The following KY variants were observed in gnomAD, a reference collection of about 807,000 sequenced individuals.
The protein encoded by KY is kyphoscoliosis peptidase.
Under a neutral mutation model 76.1 loss-of-function variants are expected in KY, and 43 were observed. The observed-to-expected ratio is 0.57, with a 90% CI of 0.44 to 0.73. The LOEUF (loss-of-function observed/expected upper bound fraction) is 0.73, where lower values mean the gene tolerates loss of function less well. KY is among the 30% of genes least tolerant of loss of function. The probability of loss-of-function intolerance (pLI) is 0.00; values close to 1 mark genes in which losing one functional copy is unlikely to be tolerated. For synonymous variants in KY, 277 were observed against 326.2 expected (o/e 0.85, Z 1.63); for missense variants, 722 against 828.9 (o/e 0.87, Z 1.58).
At chr3:134,633,366 C>T (rs913812862) in intron 3 of KY, among the ~76,000 whole-genome samples, 1 of 152,030 alleles carries the variant, frequency 6.6e-6, no homozygotes, top group African/African-American at 2.4e-5. Flanking sequence ...AATATTACAA[C>T]ATTAAATCCA....
chr3:134,606,581 G>A (rs376213819), intron 10 of KY, among the ~76,000 whole-genome samples: 3 of 152,166 alleles, frequency 2.0e-5, no homozygotes, highest in Admixed American at 6.5e-5. Context: ...TTCCACTGCT[G>A]TAATTCATCA....
chr3:134,644,189 C>G (rs986497043), intron 2 of KY, among the ~76,000 whole-genome samples: 2 of 152,122 alleles, frequency 1.3e-5, no homozygotes, highest in African/African-American at 2.4e-5. Context: ...GCCTAGGAGA[C>G]GGGATGATGT....
At position 134,607,427 on chromosome 3, in the gene KY, G is replaced by T. The variant is rs375427224; in HGVS notation, c.1090+1222C>A. On this transcript the variant is annotated intron_variant, in intron 10 of 10. Coordinates refer to ENST00000423778, the MANE Select transcript of KY (RefSeq NM_178554.6). ...CCAGGGGCTCTGGGCCCACCCACAG[G>T]CACCCTGTGCTAATAGTCAGTGTGA... 119 of 985,624 alleles carry T rather than the reference G, an allele frequency of 1.2e-4. 1 individual carries two copies. In the South Asian group the frequency reaches 4.5e-3, roughly 37 times the overall value. The allele number at this position is 985,624 out of a possible 1,614,324, so 61.1% of individuals were successfully genotyped here.
intron 8 of KY, among the ~76,000 whole-genome samples, chr3:134,617,441 G>T (rs982401906): frequency 5.3e-5 from 8 of 152,148 alleles, no homozygotes; most frequent in Non-Finnish European, 8.8e-5. Flanking sequence ...GGAGGTAGAA[G>T]GAGAGAGGAG....
intron 8 of KY, 57 bp downstream of exon 8, chr3:134,619,091 T>C (rs1962113591): frequency 2.1e-6 from 3 of 1,400,942 alleles, no homozygotes; most frequent in Non-Finnish European, 3.0e-6. Context: ...CATGGCACTG[T>C]GGAAGAGGGA....
rs1959056348 is a variant in KY at position 134,603,444 on chromosome 3, G to A, written c.*135C>T. On this transcript the variant is annotated 3_prime_UTR_variant, in exon 11 of 11. Transcript: ENST00000423778. ...AGATCACAGCTCCTGTGGCAGAGGT[G>A]GGACACTGAGGCAGAGGCCTAGAAG... 1.3e-6 allele frequency: 1 copy of A among 747,098 alleles called. No homozygotes were observed. Among genetic ancestry groups the A allele is most frequent in the Non-Finnish European group, 2.2e-6 (1 of 462,974 alleles). 46.3% of individuals were successfully genotyped at this position (747,098 alleles called of 1,614,324 possible). A position where few individuals can be genotyped will look rare whatever the true frequency, so the allele number is the denominator to read the frequency against.
chr3:134,604,017 G>A lies in KY; in HGVS notation c.1548C>T (p.His516=), dbSNP rs1213205890. The A allele has an allele frequency of 5.0e-6, 8 of 1,613,884 alleles. No individual in the cohort carries two copies. In the Admixed American group the frequency reaches 8.3e-5, roughly 17 times the overall value. The change falls in exon 11 of 11, where the codon CAC becomes CAT. Residue 516 remains histidine, a synonymous_variant. Coordinates refer to ENST00000423778, the MANE Select transcript of KY (RefSeq NM_178554.6). ...ETQRRYIFQL[H]REKQTELKVQ... ...CTTTCAGCTCGGTCTGCTTCTCCCG[G>A]TGCAGCTGGAAGATGTAGCGCCGCT... is the stretch of plus-strand genomic sequence containing the variant.
At chr3:134,642,509 TGTC>T (rs1378067215) in intron 3 of KY, among the ~76,000 whole-genome samples, 1 of 140,104 alleles carries the variant, frequency 7.1e-6, no homozygotes, top group Admixed American at 7.6e-5. Context: ...GTCTCTATCT[TGTC>T]GTGTGCTCAG....
intron 2 of KY, 72 bp from the exon 3 acceptor site, chr3:134,643,450 T>A (rs1966020330): frequency 7.3e-7 from 1 of 1,368,898 alleles, no homozygotes; most frequent in Non-Finnish European, 1.0e-6. Context: ...AAGAGCTGTA[T>A]GTGTTTGCGG....
At position 134,604,396 on chromosome 3, in the gene KY, T is replaced by A; in HGVS notation, c.1169A>T (p.His390Leu). The stretch of plus-strand genomic sequence containing the variant: ...ATTCTTCCTTAGGCTCAGCAGCCCA[T>A]GCTCTTGCTTGCCATTGAGCATGAA... ...FMFMLNGKQE[H>L]GLLSLRKNGM... The change falls in exon 11 of 11, where the codon CAT becomes CTT. Residue 390 changes from histidine to leucine, a missense_variant. By Grantham distance (99) the His-to-Leu change is moderately conservative (BLOSUM62 -3). Around this residue, in one of 2 missense-constraint regions of KY, gnomAD observed 552 missense variants for 680.9 expected, o/e 0.81. Coordinates refer to ENST00000423778, the MANE Select transcript of KY (RefSeq NM_178554.6). 1.2e-6 allele frequency: 2 copies of A among 1,614,020 alleles called. No homozygotes were observed. The highest frequency in any genetic ancestry group is 1.7e-6 in the Non-Finnish European group (2 of 1,179,888).
rs1965549945 is a variant in KY, at chr3:134,640,121, T to C, written c.262+3195A>G. 2.0e-5 allele frequency among the ~76,000 whole-genome samples: 3 copies of C among 151,730 alleles called. No homozygotes were observed. The South Asian group carries it at 6.3e-4, about 32-fold the overall frequency. On this transcript the variant is annotated intron_variant, in intron 3 of 10. Transcript: ENST00000423778. ...TTCCTTTGCCACCTGTTGCATAAAGTCTACCATTGAAAGAGAGGCTGAGGA... is the reference window on the plus strand; with the variant it reads ...TTCCTTTGCCACCTGTTGCATAAAGCCTACCATTGAAAGAGAGGCTGAGGA...
chr3:134,631,595 G>A (rs1375024243), intron 3 of KY, among the ~76,000 whole-genome samples: 1 of 152,132 alleles, frequency 6.6e-6, no homozygotes, highest in Non-Finnish European at 1.5e-5. Context: ...TAGAGTAGGA[G>A]AGTGAATCTA....
At position 134,603,664 on chromosome 3, in the gene KY, C is replaced by T. The variant is rs1012857901; in HGVS notation, c.1901G>A (p.Cys634Tyr). 1 of 1,613,572 alleles carries T rather than the reference C, an allele frequency of 6.2e-7. No homozygotes were observed. The highest frequency in any genetic ancestry group is 1.3e-5 in the African/African-American group (1 of 74,948). The change falls in exon 11 of 11, where the codon TGC (cysteine) becomes TAC (tyrosine). Residue 634 changes from cysteine to tyrosine, a missense_variant. Cys to Tyr is a radical substitution (Grantham distance 194). Around this residue, in one of 2 missense-constraint regions of KY, gnomAD observed 552 missense variants for 680.9 expected, o/e 0.81. Transcript: ENST00000423778. ...YWEGSCSTAG[C>Y]QEVYVMVLEN... ...CAGCACCATGACATAGACTTCCTGGCAGCCAGCTGTGCTGCAGCTTCCCTC... is the reference window on the plus strand; with the variant it reads ...CAGCACCATGACATAGACTTCCTGGTAGCCAGCTGTGCTGCAGCTTCCCTC...
chr3:134,641,688 G>C (rs1327768066), intron 3 of KY, among the ~76,000 whole-genome samples: 1 of 152,120 alleles, frequency 6.6e-6, no homozygotes, highest in African/African-American at 2.4e-5. Context: ...TCCTGTAGCT[G>C]CTATAGGAAA....
At chr3:134,625,025 C>T (rs537542553) in intron 6 of KY, 28 bp downstream of exon 6, 1 of 1,566,412 alleles carries the variant, frequency 6.4e-7, no homozygotes, top group Non-Finnish European at 8.7e-7. Context: ...TTGAAGGGGC[C>T]CATGGTCAGA....
intron 7 of KY, among the ~76,000 whole-genome samples, chr3:134,619,664 A>G (rs1322857288): frequency 1.3e-5 from 2 of 152,220 alleles, no homozygotes. Context: ...CTCGTCTCCA[A>G]GTGGAGAAGG....
At chr3:134,647,582 G>C (rs1414602446) in intron 1 of KY, 85 bp from the exon 2 acceptor site, 4 of 757,036 alleles carry the variant, frequency 5.3e-6, no homozygotes, top group African/African-American at 3.6e-5. Context: ...GGTTATGGTA[G>C]AGCAGGTGGA....
At chr3:134,609,287 C>G (rs1386411296) in intron 9 of KY, among the ~76,000 whole-genome samples, 1 of 152,198 alleles carries the variant, frequency 6.6e-6, no homozygotes, top group Non-Finnish European at 1.5e-5. Context: ...CCAGGGCCGA[C>G]TGGAGTGCTG....
intron 10 of KY, 161 bp downstream of exon 10, chr3:134,608,488 C>CCTCCA: frequency 6.5e-7 from 1 of 1,543,696 alleles, no homozygotes. Context: ...GCCTCAGCAG[C>CCTCCA]CTCCACTCAT....
Sources: gnomAD v4.1 joint callset for allele counts (sites outside exome capture counted in the v4.1 genomes callset) on GRCh38, gnomAD v4.1.1 for gene constraint, gnomAD v4.1.1 regional missense constraint, MANE v1.5 for transcripts, NCBI Gene and HGNC (gene_info 2026-07-23, HGNC 2026-07-21) for gene names.